Variants in RP1 observed in about 807,000 individuals in gnomAD.
The protein encoded by RP1 is RP1 axonemal microtubule associated.
In RP1, 16 loss-of-function variants were observed where a neutral mutation model predicts 14.8. The observed-to-expected ratio is 1.08, with a 90% CI of 0.73 to 1.65. The LOEUF (loss-of-function observed/expected upper bound fraction) is 1.65. Among genes scored for constraint, RP1 ranks in the 40% most tolerant of loss-of-function variants. The probability of loss-of-function intolerance (pLI) is 0.00; values close to 1 mark genes in which losing one functional copy is unlikely to be tolerated. For missense variants in RP1, 2,631 were observed against 2,535.0 expected, an observed-to-expected ratio of 1.04 and a Z score of -0.81; for synonymous variants, 876 against 883.6, an observed-to-expected ratio of 0.99 and a Z score of 0.15.
chr8:54,657,535 C>T lies in RP1; in HGVS notation c.1171+1320C>T, dbSNP rs1317955936. On this transcript the variant is annotated intron_variant, in intron 6 of 22. Transcript: ENST00000636932. ...ACAGCAAATGATGATTTACCCTTGC[C>T]ATATTTTTATCTAATATTCTAGCTA... 2.0e-5 allele frequency among the ~76,000 whole-genome samples: 3 copies of T among 152,184 alleles called. No homozygotes were observed. The East Asian group carries it at 5.8e-4, about 29-fold the overall frequency.
At chr8:54,708,931 TTGGA>T (rs781266378) in intron 15 of RP1, among the ~76,000 whole-genome samples, 7 of 152,062 alleles carry the variant, frequency 4.6e-5, no homozygotes, top group Admixed American at 6.5e-5. Flanking sequence ...TCACAGGAAG[TTGGA>T]TGGAGTTGTA....
intron 27 of RP1, among the ~76,000 whole-genome samples, chr8:54,862,872 G>A (rs1812376509): frequency 6.6e-6 from 1 of 152,056 alleles, no homozygotes; most frequent in Non-Finnish European, 1.5e-5. Context: ...TGCCAAGAAA[G>A]GGAGAGCAAC....
At chr8:54,821,359 G>A (rs1403286580) in intron 24 of RP1, among the ~76,000 whole-genome samples, 1 of 152,048 alleles carries the variant, frequency 6.6e-6, no homozygotes, top group Non-Finnish European at 1.5e-5. Context: ...AATCCCACAG[G>A]TGGACATCCA....
intron 1 of RP1, among the ~76,000 whole-genome samples, chr8:54,620,108 A>C (rs537894661): frequency 6.6e-6 from 1 of 152,310 alleles, no homozygotes; most frequent in Non-Finnish European, 1.5e-5. Flanking sequence ...TGTATAAAAA[A>C]CACAAATATT....
chr8:54,696,363 T>C (rs1807862320), intron 12 of RP1: 5 of 562,968 alleles, frequency 8.9e-6, no homozygotes, highest in South Asian at 8.7e-5. Context: ...GATTGGTTCA[T>C]TTTAGAAAAT....
chr8:54,758,870 G>A (rs1013277418), intron 21 of RP1: 29 of 1,488,732 alleles, frequency 1.9e-5, no homozygotes, highest in Non-Finnish European at 2.6e-5. Flanking sequence ...CATTTGTCAT[G>A]CCTCGGACTC....
chr8:54,665,872 A>G (rs1388033297), intron 7 of RP1, among the ~76,000 whole-genome samples: 1 of 152,140 alleles, frequency 6.6e-6, no homozygotes, highest in African/African-American at 2.4e-5. Context: ...ACTTGACATT[A>G]GGTGTACACT....
chr8:54,574,356 A>G (rs1456022364), intron 1 of RP1, among the ~76,000 whole-genome samples: 7 of 152,080 alleles, frequency 4.6e-5, no homozygotes, highest in Non-Finnish European at 8.8e-5. Context: ...ACGCATGGCT[A>G]TTGCTGGTGG....
chr8:54,591,149 C>T (rs1371454824), intron 1 of RP1, among the ~76,000 whole-genome samples: 1 of 152,204 alleles, frequency 6.6e-6, no homozygotes, highest in Non-Finnish European at 1.5e-5. Flanking sequence ...GCTGTTCTAA[C>T]ACCCATGCTC....
chr8:54,706,403 C>T (rs905867310), intron 14 of RP1: 18 of 1,525,896 alleles, frequency 1.2e-5, no homozygotes, highest in African/African-American at 6.9e-5. Flanking sequence ...AACACGAGCC[C>T]GTTACTGACT....
At chr8:54,743,289 ACATGAAGTC>A (rs1244123055) in intron 19 of RP1, among the ~76,000 whole-genome samples, 1 of 152,160 alleles carries the variant, frequency 6.6e-6, no homozygotes, top group African/African-American at 2.4e-5. Context: ...ATATTTACTG[ACATGAAGTC>A]CATTGATTCT....
intron 1 of RP1, among the ~76,000 whole-genome samples, chr8:54,567,348 T>C (rs905474118): frequency 2.0e-5 from 3 of 152,154 alleles, no homozygotes; most frequent in Non-Finnish European, 4.4e-5. Flanking sequence ...TTTTTTACAG[T>C]CTCAGAGCCT....
intron 5 of RP1, among the ~76,000 whole-genome samples, chr8:54,655,010 G>A (rs1382639336): frequency 6.6e-6 from 1 of 152,078 alleles, no homozygotes; most frequent in Non-Finnish European, 1.5e-5. Context: ...CTGATTTAAG[G>A]CATTCTCAAA....
At chr8:54,574,991 A>G (rs74582038) in intron 1 of RP1, among the ~76,000 whole-genome samples, 1 of 152,146 alleles carries the variant, frequency 6.6e-6, no homozygotes, top group African/African-American at 2.4e-5. Flanking sequence ...TTATATTGAA[A>G]CTTCCACTGC....
At chr8:54,780,806 C>A in intron 23 of RP1, 1 of 409,256 alleles carries the variant, frequency 2.4e-6, no homozygotes, top group Non-Finnish European at 3.3e-6. Context: ...GTTTCTGGAA[C>A]CAATCCTCCA....
At chr8:54,633,737 C>CTATA (rs59614361), downstream of RP1, among the ~76,000 whole-genome samples, 872 of 118,748 alleles carry the variant, frequency 7.3e-3, 10 homozygotes, top group African/African-American at 0.017. Flanking sequence ...CTCTCTCTCT[C>CTATA]TATATATATA....
chr8:54,688,985 C>T (rs1019680705), intron 12 of RP1, among the ~76,000 whole-genome samples: 5 of 152,110 alleles, frequency 3.3e-5, no homozygotes, highest in Non-Finnish European at 7.4e-5. Context: ...TCTTTTATTT[C>T]GTTGAGCAGT....
In RP1 at chr8:54,827,772, C is replaced by G. The variant is rs1024632663; in HGVS notation, c.3616-9678C>G. Among the ~76,000 whole-genome samples the G allele has an allele frequency of 4.6e-5, 7 of 152,194 alleles. No homozygotes were observed. In the East Asian group the frequency reaches 1.4e-3, roughly 29 times the overall value. On this transcript the variant is annotated intron_variant, in intron 24 of 28. Transcript: ENST00000637698. Reference sequence around the variant, plus strand: ...AATTAGCCAGGCGTGGTGACAGGCGCTTGTAATCTCAGCTACTCGGGAGGC... The same window carrying G: ...AATTAGCCAGGCGTGGTGACAGGCGGTTGTAATCTCAGCTACTCGGGAGGC...
chr8:54,759,602 G>T (rs902703149), intron 22 of RP1, among the ~76,000 whole-genome samples: 1 of 152,110 alleles, frequency 6.6e-6, no homozygotes, highest in Non-Finnish European at 1.5e-5. Context: ...TGAGACACAG[G>T]TCCCACATAT....
Sources: gnomAD v4.1 joint callset for allele counts (sites outside exome capture counted in the v4.1 genomes callset) on GRCh38, gnomAD v4.1.1 for gene constraint, MANE v1.5 for transcripts, NCBI Gene and HGNC (gene_info 2026-07-23, HGNC 2026-07-21) for gene names.